Variants in GPATCH8 observed in about 807,000 individuals in gnomAD.
GPATCH8 encodes G-patch domain containing 8.
In GPATCH8, 18 loss-of-function variants were observed where a neutral mutation model predicts 118.3. That is an observed-to-expected ratio of 0.15 (90% CI 0.11 to 0.23). GPATCH8 has a LOEUF of 0.23. Ranked by LOEUF, GPATCH8 falls within the 10% of genes least tolerant of loss-of-function variation. GPATCH8 has a pLI of 1.00. For missense variants in GPATCH8, 1,631 were observed against 1,873.8 expected, an observed-to-expected ratio of 0.87 and a Z score of 2.39; for synonymous variants, 659 against 684.7, an observed-to-expected ratio of 0.96 and a Z score of 0.59.
chr17:44,397,338 ACAG>A lies in GPATCH8; in HGVS notation c.*227_*229del, dbSNP rs2048814014. The stretch of plus-strand genomic sequence containing the variant: ...TACTGGTGTTCCCTAGCTTAGAAAC[ACAG>A]AAGAGGGAGGGACAAATTGAGAGGA... On this transcript the variant is annotated 3_prime_UTR_variant, in exon 8 of 8. Coordinates refer to ENST00000591680, the MANE Select transcript of GPATCH8 (RefSeq NM_001002909.4). The A allele has an allele frequency of 1.5e-6, 1 of 673,456 alleles. No individual in the cohort carries two copies. Among genetic ancestry groups the A allele is most frequent in the Non-Finnish European group, 2.7e-6 (1 of 367,362 alleles). 41.7% of individuals were successfully genotyped at this position (673,456 alleles called of 1,614,324 possible).
In GPATCH8 at chr17:44,399,170, T is replaced by TCGACTA; in HGVS notation, c.2901_2906dup (p.Arg969_Ser970dup). ...TGGTGCTACGGCTTCTCCGCTTGCT[T>TCGACTA]CGACTACGACTACAACTGCTGCTGC... On this transcript the variant is annotated inframe_insertion, in exon 8 of 8. Transcript: ENST00000591680. 6.2e-7 allele frequency: 1 copy of TCGACTA among 1,611,996 alleles called. No homozygotes were observed.
rs1290637019 is a variant in GPATCH8 at position 44,397,049 on chromosome 17, G to C, written c.*519C>G. The C allele has an allele frequency of 6.6e-6, 3 of 453,960 alleles. No individual in the cohort carries two copies. The East Asian group carries it at 2.1e-4, about 32-fold the overall frequency. 28.1% of individuals were successfully genotyped at this position (453,960 alleles called of 1,614,324 possible). A position where few individuals can be genotyped will look rare whatever the true frequency, so the allele number is the denominator to read the frequency against. On this transcript the variant is annotated 3_prime_UTR_variant, in exon 8 of 8. Transcript: ENST00000591680. ...CGCTTTCCACCTCACCTGGGATAAC[G>C]TAACGTCACCAAAGATGGTCAAAGA...
At chr17:44,454,575 C>A (rs867357994) in intron 3 of GPATCH8, among the ~76,000 whole-genome samples, 1 of 152,180 alleles carries the variant, frequency 6.6e-6, no homozygotes, top group Non-Finnish European at 1.5e-5. Flanking sequence ...TCCTCTCCTG[C>A]AATCCCTTTC....
At chr17:44,475,635 A>C (rs941927040) in intron 1 of GPATCH8, among the ~76,000 whole-genome samples, 9 of 152,076 alleles carry the variant, frequency 5.9e-5, no homozygotes, top group Non-Finnish European at 1.3e-4. Context: ...CGGAGCTTGC[A>C]GTGAGCCGAG....
At chr17:44,475,486 C>T (rs1326285274) in intron 1 of GPATCH8, among the ~76,000 whole-genome samples, 1 of 148,974 alleles carries the variant, frequency 6.7e-6, no homozygotes, top group East Asian at 2.0e-4. Flanking sequence ...ATCACGAGGC[C>T]AGGAGATTTA....
intron 1 of GPATCH8, among the ~76,000 whole-genome samples, chr17:44,499,808 T>C (rs371374777): frequency 6.6e-6 from 1 of 151,944 alleles, no homozygotes; most frequent in Non-Finnish European, 1.5e-5. Flanking sequence ...CATTCAGAAA[T>C]TGAGGCCAGA....
intron 3 of GPATCH8, among the ~76,000 whole-genome samples, chr17:44,440,010 C>T (rs774758811): frequency 6.6e-6 from 1 of 151,988 alleles, no homozygotes; most frequent in Non-Finnish European, 1.5e-5. Context: ...CTCAAACTCC[C>T]GACCTCAGGT....
chr17:44,418,570 T>G (rs1468766445), intron 6 of GPATCH8, among the ~76,000 whole-genome samples: 1 of 151,874 alleles, frequency 6.6e-6, no homozygotes, highest in Non-Finnish European at 1.5e-5. Flanking sequence ...TTCTCCTGCC[T>G]CAGCCTCCCC....
chr17:44,408,862 A>C (rs995047653), intron 6 of GPATCH8, among the ~76,000 whole-genome samples: 8 of 152,164 alleles, frequency 5.3e-5, no homozygotes, highest in Non-Finnish European at 1.0e-4. Flanking sequence ...CTATCCTAAG[A>C]ATACCCTATA....
intron 3 of GPATCH8, among the ~76,000 whole-genome samples, chr17:44,457,361 C>A (rs1359169221): frequency 6.6e-6 from 1 of 152,172 alleles, no homozygotes; most frequent in Non-Finnish European, 1.5e-5. Context: ...ATGTTCATCT[C>A]TCTCAACATA....
chr17:44,456,654 A>T (rs1403770083), intron 3 of GPATCH8, among the ~76,000 whole-genome samples: 3 of 152,102 alleles, frequency 2.0e-5, no homozygotes, highest in African/African-American at 7.2e-5. Context: ...CTTTAGTCAT[A>T]AAATGTAGTC....
chr17:44,497,649 C>A (rs539423460), intron 1 of GPATCH8, among the ~76,000 whole-genome samples: 1 of 150,638 alleles, frequency 6.6e-6, no homozygotes, highest in South Asian at 2.1e-4. Flanking sequence ...ATCAAAAAAA[C>A]AGACTGTCAG....
At chr17:44,483,556 G>C (rs1016289823) in intron 1 of GPATCH8, among the ~76,000 whole-genome samples, 3 of 151,618 alleles carry the variant, frequency 2.0e-5, no homozygotes, top group Non-Finnish European at 4.4e-5. Flanking sequence ...GCCGAGGTAG[G>C]CTATTTTTAA....
intron 3 of GPATCH8, among the ~76,000 whole-genome samples, chr17:44,451,217 C>T (rs568395367): frequency 1.3e-5 from 2 of 152,278 alleles, no homozygotes; most frequent in African/African-American, 4.8e-5. Context: ...CCTCAGCCTT[C>T]CAAGTAGCTG....
chr17:44,399,374 T>A lies in GPATCH8; in HGVS notation c.2703A>T (p.Ser901=). Residue 901 remains serine (S), a synonymous_variant, in exon 8 of 8, where the codon TCA becomes TCT. Coordinates refer to ENST00000591680, the MANE Select transcript of GPATCH8 (RefSeq NM_001002909.4). ...CATGGGAGCGCTTGGAGTGCCTTCG[T>A]GATCTGTCACTGTAGTCACTGTAGC... ...DDSYSDYSDR[S]RRHSKRSHDS... is the part of the protein sequence containing the mutation. The A allele has an allele frequency of 6.2e-7, 1 of 1,614,160 alleles. No homozygotes were observed. Among genetic ancestry groups the A allele is most frequent in the Admixed American group, 1.7e-5 (1 of 60,026 alleles).
chr17:44,446,088 C>A (rs2050868400), intron 3 of GPATCH8, among the ~76,000 whole-genome samples: 1 of 151,734 alleles, frequency 6.6e-6, no homozygotes, highest in African/African-American at 2.4e-5. Flanking sequence ...TACAGGCACT[C>A]ACCACCATGT....
At chr17:44,463,790 G>A (rs992947594) in intron 3 of GPATCH8, among the ~76,000 whole-genome samples, 1 of 152,224 alleles carries the variant, frequency 6.6e-6, no homozygotes, top group African/African-American at 2.4e-5. Context: ...TTTCCAACTA[G>A]GGAGAACTCA....
chr17:44,397,920 G>A lies in GPATCH8; in HGVS notation c.4157C>T (p.Ala1386Val), dbSNP rs1489611453. Residue 1386 changes from alanine (A) to valine (V), a missense_variant, in exon 8 of 8, where the codon GCA (alanine) becomes GTA (valine). Coordinates refer to ENST00000591680, the MANE Select transcript of GPATCH8 (RefSeq NM_001002909.4). ...GTGAATGCCGATGGCGGCAGCAGCT[G>A]CGGCAGCATGATGTTGTAGGATGGC... ...QHAILQHHAA[A>V]AAAAIGIHPH... is the part of the protein sequence containing the mutation. The A allele has an allele frequency of 1.9e-6, 3 of 1,612,682 alleles. No homozygotes were observed. Among genetic ancestry groups the A allele is most frequent in the South Asian group, 2.2e-5 (2 of 91,058 alleles).
intron 2 of GPATCH8, among the ~76,000 whole-genome samples, chr17:44,472,057 T>C (rs1321389917): frequency 1.3e-5 from 2 of 151,980 alleles, no homozygotes; most frequent in South Asian, 2.1e-4. Flanking sequence ...TAATACAATG[T>C]AGGCCATGAA....
Sources: allele counts gnomAD v4.1 joint callset (sites outside exome capture counted in the v4.1 genomes callset), GRCh38; gene constraint gnomAD v4.1.1; transcripts MANE v1.5; gene names NCBI Gene and HGNC (gene_info 2026-07-23, HGNC 2026-07-21).